Variants in PLEKHM3 observed in about 807,000 individuals in gnomAD.
PLEKHM3 encodes pleckstrin homology domain-containing family M member 3.
A neutral mutation model predicts 81.8 loss-of-function variants in PLEKHM3; 45 were observed. The ratio of observed to expected loss-of-function variants is 0.55; its 90% CI spans 0.43 to 0.71. PLEKHM3 has a LOEUF of 0.71. Among genes scored for constraint, PLEKHM3 ranks in the 30% least tolerant of loss-of-function variants. PLEKHM3 has a pLI of 0.00. For missense variants in PLEKHM3, 788 were observed against 924.3 expected, an observed-to-expected ratio of 0.85 and a Z score of 1.91; for synonymous variants, 352 against 356.4, an observed-to-expected ratio of 0.99 and a Z score of 0.14.
intron 2 of PLEKHM3, among the ~76,000 whole-genome samples, chr2:207,989,947 G>A (rs541278609): frequency 2.0e-5 from 3 of 152,194 alleles, no homozygotes; most frequent in Non-Finnish European, 2.9e-5. Context: ...AGATCTGGGG[G>A]AGCGGACCAG....
At chr2:207,905,900 T>G (rs1688586787) in intron 6 of PLEKHM3, among the ~76,000 whole-genome samples, 1 of 151,826 alleles carries the variant, frequency 6.6e-6, no homozygotes, top group Admixed American at 6.6e-5. Context: ...GTAAGCTGCT[T>G]GGCATGTATG....
At position 208,001,358 on chromosome 2, in the gene PLEKHM3, C is replaced by T. The variant is rs1255033240; in HGVS notation, c.282G>A (p.Gln94=). The change falls in exon 2 of 8, where the codon CAG becomes CAA. Residue 94 remains glutamine, a synonymous_variant. Transcript: ENST00000427836. ...GGGTTGTCCCTCTCTGGACCATAAACTGTTCTTTGGCAGGGAAGACATTTT... is the reference window on the plus strand; with the variant it reads ...GGGTTGTCCCTCTCTGGACCATAAATTGTTCTTTGGCAGGGAAGACATTTT... ...KAQNVFPAKE[Q]FMVQRGTTPD... is the part of the protein sequence containing the mutation. The T allele has an allele frequency of 6.2e-7, 1 of 1,614,090 alleles. No individual in the cohort carries two copies. Among genetic ancestry groups the T allele is most frequent in the Non-Finnish European group, 8.5e-7 (1 of 1,180,034 alleles).
chr2:207,958,867 A>T (rs2105993110), intron 3 of PLEKHM3, among the ~76,000 whole-genome samples: 1 of 152,236 alleles, frequency 6.6e-6, no homozygotes, highest in South Asian at 2.1e-4. Flanking sequence ...CTGAGATTGC[A>T]CCACTGCACT....
In PLEKHM3 at chr2:207,879,565, G is replaced by GC. The variant is rs1357893445; in HGVS notation, c.1951-18304dup. Among the ~76,000 whole-genome samples, 3 of 152,188 alleles carry GC rather than the reference G, an allele frequency of 2.0e-5. No homozygotes were observed. In the South Asian group the frequency reaches 6.2e-4, roughly 32 times the overall value. On this transcript the variant is annotated intron_variant, in intron 6 of 7. Coordinates refer to ENST00000427836, the MANE Select transcript of PLEKHM3 (RefSeq NM_001080475.3). Reference sequence around the variant, plus strand: ...ATTGCAACTTTGTCCAAACAAAATGGCAAGTCTTTGACCAGACCGGGTTAT... The same window carrying GC: ...ATTGCAACTTTGTCCAAACAAAATGGCCAAGTCTTTGACCAGACCGGGTTAT...
intron 7 of PLEKHM3, among the ~76,000 whole-genome samples, chr2:207,850,669 G>A (rs1200147519): frequency 1.3e-5 from 2 of 152,168 alleles, no homozygotes; most frequent in Middle Eastern, 3.2e-3. Context: ...TCTTAATAAC[G>A]AGAGAAGATT....
chr2:207,928,798 A>C (rs1207287531), intron 5 of PLEKHM3, among the ~76,000 whole-genome samples: 1 of 152,268 alleles, frequency 6.6e-6, no homozygotes, highest in African/African-American at 2.4e-5. Flanking sequence ...TATTAGAAGT[A>C]AAAAGGAGAG....
At chr2:207,916,904 A>T (rs1689010472) in intron 5 of PLEKHM3, among the ~76,000 whole-genome samples, 1 of 152,232 alleles carries the variant, frequency 6.6e-6, no homozygotes. Context: ...ACTTCCCAGA[A>T]TTCCTTTTGA....
chr2:207,833,939 T>A (rs1349835573), intron 7 of PLEKHM3, among the ~76,000 whole-genome samples: 1 of 152,218 alleles, frequency 6.6e-6, no homozygotes, highest in African/African-American at 2.4e-5. Context: ...CATCATTTGA[T>A]TAAAATAGTT....
chr2:207,904,725 C>T (rs920127760), intron 6 of PLEKHM3, among the ~76,000 whole-genome samples: 1 of 152,106 alleles, frequency 6.6e-6, no homozygotes, highest in Non-Finnish European at 1.5e-5. Flanking sequence ...GCAAAGAGGA[C>T]AGTAATTCAA....
intron 6 of PLEKHM3, among the ~76,000 whole-genome samples, chr2:207,892,266 C>G (rs1167962710): frequency 3.3e-5 from 5 of 152,178 alleles, no homozygotes; most frequent in Non-Finnish European, 7.3e-5. Flanking sequence ...CTGCGGTGCT[C>G]ATCATCATTT....
intron 3 of PLEKHM3, among the ~76,000 whole-genome samples, chr2:207,970,761 G>A (rs1559262823): frequency 6.6e-6 from 1 of 152,160 alleles, no homozygotes; most frequent in African/African-American, 2.4e-5. Flanking sequence ...AAGACACAAT[G>A]CCGGTAATTA....
intron 1 of PLEKHM3, among the ~76,000 whole-genome samples, chr2:208,011,552 T>C (rs1692692936): frequency 6.6e-6 from 1 of 151,856 alleles, no homozygotes; most frequent in Non-Finnish European, 1.5e-5. Context: ...AAATGGGAGC[T>C]AAGCTATGAG....
At chr2:207,914,719 A>G (rs1042100274) in intron 5 of PLEKHM3, among the ~76,000 whole-genome samples, 3 of 151,896 alleles carry the variant, frequency 2.0e-5, no homozygotes, top group Non-Finnish European at 4.4e-5. Context: ...AATTTATTAA[A>G]TTTAACCCCT....
intron 4 of PLEKHM3, among the ~76,000 whole-genome samples, chr2:207,945,559 G>A (rs148352379): frequency 7.9e-5 from 12 of 152,266 alleles, no homozygotes; most frequent in African/African-American, 2.9e-4. Flanking sequence ...CAAAGGCCTG[G>A]ATTTGCTAGA....
intron 6 of PLEKHM3, among the ~76,000 whole-genome samples, chr2:207,899,833 G>C (rs1003756510): frequency 6.6e-6 from 1 of 152,168 alleles, no homozygotes; most frequent in Admixed American, 6.5e-5. Context: ...CAGATCATTA[G>C]AGTGGTTTAA....
At chr2:207,892,856 C>A (rs1688102533) in intron 6 of PLEKHM3, among the ~76,000 whole-genome samples, 1 of 152,204 alleles carries the variant, frequency 6.6e-6, no homozygotes. Flanking sequence ...CCCAAGGAGA[C>A]AGACTGCCTG....
chr2:207,923,832 C>CATACATAT (rs1689268339), intron 5 of PLEKHM3, among the ~76,000 whole-genome samples: 1 of 134,584 alleles, frequency 7.4e-6, no homozygotes, highest in African/African-American at 2.8e-5. Flanking sequence ...TATATACATA[C>CATACATAT]ATATACATAC....
intron 5 of PLEKHM3, among the ~76,000 whole-genome samples, chr2:207,921,072 T>C (rs1006146027): frequency 6.6e-6 from 1 of 151,940 alleles, no homozygotes; most frequent in African/African-American, 2.4e-5. Flanking sequence ...CTTTTTTTGA[T>C]GTTGTCTCGC....
At chr2:207,981,537 G>A (rs1477723574) in intron 2 of PLEKHM3, among the ~76,000 whole-genome samples, 1 of 152,082 alleles carries the variant, frequency 6.6e-6, no homozygotes, top group African/African-American at 2.4e-5. Flanking sequence ...TGTAGAGAAG[G>A]AATCTTACTC....
Sources: allele counts gnomAD v4.1 joint callset (sites outside exome capture counted in the v4.1 genomes callset), GRCh38; gene constraint gnomAD v4.1.1; transcripts MANE v1.5; gene names NCBI Gene and HGNC (gene_info 2026-07-23, HGNC 2026-07-21).